Variants in TNKS observed in about 807,000 individuals in gnomAD.
TNKS encodes the protein tankyrase.
In TNKS, 72 loss-of-function variants were observed where a neutral mutation model predicts 135.8. The ratio of observed to expected loss-of-function variants is 0.53; its 90% CI spans 0.44 to 0.64. TNKS has a LOEUF of 0.64. Among genes scored for constraint, TNKS ranks in the 30% least tolerant of loss-of-function variants. The pLI is 0.00. For missense variants in TNKS, 1,769 were observed against 1,674.0 expected, an observed-to-expected ratio of 1.06 and a Z score of -0.99; for synonymous variants, 849 against 649.3, an observed-to-expected ratio of 1.31 and a Z score of -4.68.
At chr8:9,717,793 TAAGAG>T (rs1804684119) in intron 11 of TNKS, among the ~76,000 whole-genome samples, 1 of 152,140 alleles carries the variant, frequency 6.6e-6, no homozygotes, top group Non-Finnish European at 1.5e-5. Flanking sequence ...GTATATATAA[TAAGAG>T]AAGTATAGAT....
chr8:9,674,966 T>C (rs1268380296), intron 3 of TNKS, among the ~76,000 whole-genome samples: 3 of 152,172 alleles, frequency 2.0e-5, no homozygotes, highest in Admixed American at 6.5e-5. Context: ...AAAGAAGGCA[T>C]TGAGAGCTGT....
intron 25 of TNKS, among the ~76,000 whole-genome samples, chr8:9,768,055 CTAATTCCTCTG>C (rs1213359054): frequency 6.6e-5 from 10 of 151,342 alleles, no homozygotes; most frequent in Non-Finnish European, 1.5e-4. Flanking sequence ...TGCTTCAAAC[CTAATTCCTCTG>C]GAGACAAAAA....
intron 24 of TNKS, 44 bp downstream of exon 24, chr8:9,765,841 G>C: frequency 6.6e-7 from 1 of 1,518,364 alleles, no homozygotes; most frequent in Non-Finnish European, 9.1e-7. Flanking sequence ...CTGGGCCTTT[G>C]CAGGAGTCAG....
chr8:9,748,166 C>A lies in TNKS; in HGVS notation c.2786C>A (p.Pro929His). Residue 929 changes from proline (P) to histidine (H), a missense_variant, in exon 18 of 27, where the codon CCC becomes CAC. Coordinates refer to ENST00000310430, the MANE Select transcript of TNKS (RefSeq NM_003747.3). The stretch of plus-strand genomic sequence containing the variant: ...CTCCTCCTAGCGCATGGTGCAGACC[C>A]CACCATGAAGAACCAGGAAGGCCAG... ...CALLLAHGAD[P>H]TMKNQEGQTP... 6.3e-7 allele frequency: 1 copy of A among 1,597,202 alleles called. No individual in the cohort carries two copies. The highest frequency in any genetic ancestry group is 8.5e-7 in the Non-Finnish European group (1 of 1,171,836).
intron 2 of TNKS, among the ~76,000 whole-genome samples, chr8:9,594,297 T>C (rs1370317592): frequency 6.6e-6 from 1 of 152,234 alleles, no homozygotes; most frequent in Non-Finnish European, 1.5e-5. Context: ...TGAGAAAATA[T>C]ACTGATGATA....
At chr8:9,743,357 C>A (rs558527249) in intron 17 of TNKS, 2 of 152,112 alleles carry the variant, frequency 1.3e-5, no homozygotes, top group Non-Finnish European at 2.9e-5. Flanking sequence ...AATGGAAAAA[C>A]CTGAACTTAG....
chr8:9,595,585 G>A (rs548269995), intron 2 of TNKS, among the ~76,000 whole-genome samples: 1 of 151,918 alleles, frequency 6.6e-6, no homozygotes, highest in East Asian at 1.9e-4. Context: ...TATTAATTGT[G>A]TTTTATTAGA....
At chr8:9,577,637 A>G (rs1200931200) in intron 1 of TNKS, among the ~76,000 whole-genome samples, 2 of 152,190 alleles carry the variant, frequency 1.3e-5, no homozygotes, top group Non-Finnish European at 1.5e-5. Context: ...ATCTGCCTCC[A>G]TGATCCACTC....
chr8:9,741,071 G>C (rs1361872984), intron 17 of TNKS: 1 of 152,000 alleles, frequency 6.6e-6, no homozygotes, highest in Admixed American at 6.6e-5. Context: ...TCGGCCTCCC[G>C]AAGTGCTGGG....
intron 3 of TNKS, among the ~76,000 whole-genome samples, chr8:9,635,270 A>G (rs1337927660): frequency 1.3e-5 from 2 of 152,316 alleles, no homozygotes; most frequent in East Asian, 3.9e-4. Context: ...CAATGAACAT[A>G]TCCGGGATAG....
chr8:9,620,217 G>T (rs902049941), intron 3 of TNKS, among the ~76,000 whole-genome samples: 2 of 152,124 alleles, frequency 1.3e-5, no homozygotes, highest in Non-Finnish European at 2.9e-5. Context: ...AAAGTGCCGG[G>T]ATTACAGGTG....
intron 3 of TNKS, among the ~76,000 whole-genome samples, chr8:9,648,999 A>G (rs1206008125): frequency 6.6e-6 from 1 of 152,178 alleles, no homozygotes; most frequent in Non-Finnish European, 1.5e-5. Context: ...AAGTAGTGTC[A>G]TACATAAACA....
intron 2 of TNKS, among the ~76,000 whole-genome samples, chr8:9,598,863 G>A (rs1798910892): frequency 7.2e-6 from 1 of 139,206 alleles, no homozygotes; most frequent in Admixed American, 7.6e-5. Flanking sequence ...AAATTTATCT[G>A]GAATGCTAGT....
chr8:9,725,275 G>A (rs1011701410), intron 12 of TNKS, among the ~76,000 whole-genome samples: 5 of 152,108 alleles, frequency 3.3e-5, no homozygotes, highest in African/African-American at 9.7e-5. Context: ...TGTGTGAAAA[G>A]GAATATAAAG....
intron 2 of TNKS, among the ~76,000 whole-genome samples, chr8:9,602,714 A>AATTTAACAT (rs1461690801): frequency 6.6e-6 from 1 of 152,232 alleles, no homozygotes; most frequent in Non-Finnish European, 1.5e-5. Context: ...ACATATATGT[A>AATTTAACAT]ATTTAACATT....
intron 18 of TNKS, among the ~76,000 whole-genome samples, chr8:9,749,382 A>T (rs752596870): frequency 2.0e-5 from 3 of 151,992 alleles, no homozygotes; most frequent in Non-Finnish European, 2.9e-5. Flanking sequence ...TCTACTCTGG[A>T]GTTAGGGAAT....
At chr8:9,562,127 T>G (rs1049194072) in intron 1 of TNKS, among the ~76,000 whole-genome samples, 1 of 152,114 alleles carries the variant, frequency 6.6e-6, no homozygotes, top group Non-Finnish European at 1.5e-5. Context: ...TTATATATCT[T>G]TTATGAAGTT....
At chr8:9,569,970 C>G (rs1797695912) in intron 1 of TNKS, among the ~76,000 whole-genome samples, 1 of 151,872 alleles carries the variant, frequency 6.6e-6, no homozygotes, top group South Asian at 2.1e-4. Context: ...TTGTTTTCTT[C>G]TATTGCTTCT....
chr8:9,567,559 G>T (rs1229669480), intron 1 of TNKS, among the ~76,000 whole-genome samples: 1 of 152,182 alleles, frequency 6.6e-6, no homozygotes, highest in Non-Finnish European at 1.5e-5. Flanking sequence ...GGGACTACAG[G>T]CGCCCGCCAC....
Sources: gnomAD v4.1 joint callset for allele counts (sites outside exome capture counted in the v4.1 genomes callset) on GRCh38, gnomAD v4.1.1 for gene constraint, MANE v1.5 for transcripts, NCBI Gene and HGNC (gene_info 2026-07-23, HGNC 2026-07-21) for gene names.